TIAM1: variants seen among roughly 807,000 people sequenced by gnomAD.
TIAM1 encodes the protein rho guanine nucleotide exchange factor TIAM1.
In TIAM1, 65 loss-of-function variants were observed where a neutral mutation model predicts 163.5. The observed-to-expected ratio is 0.40, with a 90% CI of 0.33 to 0.49. TIAM1 has a LOEUF of 0.49. TIAM1 is among the 20% of genes least tolerant of loss of function. The pLI is 0.77. For synonymous variants in TIAM1, 833 were observed against 810.1 expected, an observed-to-expected ratio of 1.03 and a Z score of -0.48; for missense variants, 1,789 against 2,044.7, an observed-to-expected ratio of 0.87 and a Z score of 2.41.
At chr21:31,415,067 T>C (rs1019663014) in intron 2 of TIAM1, among the ~76,000 whole-genome samples, 12 of 152,146 alleles carry the variant, frequency 7.9e-5, no homozygotes, top group African/African-American at 2.9e-4. Context: ...GAGTGTCTCC[T>C]TACACCTATA....
chr21:31,222,707 ATTTTTT>A (rs527864043), intron 8 of TIAM1, among the ~76,000 whole-genome samples: 58 of 32,816 alleles, frequency 1.8e-3, no homozygotes, highest in Non-Finnish European at 2.0e-3. Flanking sequence ...ATATATATAT[ATTTTTT>A]TTTTTTTTTT....
intron 20 of TIAM1, among the ~76,000 whole-genome samples, chr21:31,143,465 T>TACAC (rs777301327): frequency 1.3e-5 from 2 of 150,578 alleles, no homozygotes; most frequent in Admixed American, 6.6e-5. Flanking sequence ...TATATATATA[T>TACAC]ACACACACAC....
intron 2 of TIAM1, among the ~76,000 whole-genome samples, chr21:31,377,790 A>G (rs1176664005): frequency 3.3e-5 from 5 of 151,834 alleles, no homozygotes; most frequent in African/African-American, 1.2e-4. Flanking sequence ...TATCCAGTTC[A>G]GAAACAGTCA....
intron 10 of TIAM1, among the ~76,000 whole-genome samples, chr21:31,210,534 AAAAGAAAG>A (rs1214068044): frequency 0.076 from 4,210 of 55,570 alleles, 233 homozygotes; most frequent in Non-Finnish European, 0.098. Context: ...GGAAGGAAGG[AAAAGAAAG>A]AAAGAAAGAA....
At chr21:31,133,021 G>A (rs2082477939) in intron 23 of TIAM1, among the ~76,000 whole-genome samples, 2 of 152,202 alleles carry the variant, frequency 1.3e-5, no homozygotes, top group African/African-American at 2.4e-5. Flanking sequence ...ACTATTTCCT[G>A]AGGTTAGAGG....
chr21:31,515,971 G>A (rs571887863), intron 1 of TIAM1, among the ~76,000 whole-genome samples: 3 of 151,718 alleles, frequency 2.0e-5, no homozygotes, highest in South Asian at 2.1e-4. Context: ...AGCTGGGTGT[G>A]GTGGTGTGCA....
chr21:31,425,515 A>G lies in TIAM1; in HGVS notation c.-369+38468T>C, dbSNP rs542632311. Among the ~76,000 whole-genome samples the G allele has an allele frequency of 2.6e-5, 4 of 151,408 alleles. No individual in the cohort carries two copies. The East Asian group carries it at 7.8e-4, about 30-fold the overall frequency. Reference sequence around the variant, plus strand: ...CAACTAGGGATCTTGAGATTCTGTGATTCTGGTTTAGTTGGTCTGCAATTA... The same window carrying G: ...CAACTAGGGATCTTGAGATTCTGTGGTTCTGGTTTAGTTGGTCTGCAATTA... On this transcript the variant is annotated intron_variant, in intron 2 of 28. Transcript: ENST00000286827.
chr21:31,491,116 T>C (rs1266087239), intron 1 of TIAM1, among the ~76,000 whole-genome samples: 4 of 150,786 alleles, frequency 2.7e-5, no homozygotes, highest in Non-Finnish European at 5.9e-5. Context: ...GGCTACACAG[T>C]GAAATTCCGT....
rs184783222 is a variant in TIAM1, at chr21:31,395,729, G to A, written c.-368-56307C>T. ...GCGCATGCGTTCCCCTGGCTGTCGCGTGAAAATTTTTGCTTTATAAATTGG... is the reference window on the plus strand; with the variant it reads ...GCGCATGCGTTCCCCTGGCTGTCGCATGAAAATTTTTGCTTTATAAATTGG... On this transcript the variant is annotated intron_variant, in intron 2 of 28. Transcript: ENST00000286827. This position sits in a 1 kb window ranked among gnomAD's most constrained non-coding sequence, Gnocchi z 7.5. 2.7e-4 allele frequency among the ~76,000 whole-genome samples: 41 copies of A among 152,268 alleles called. No individual in the cohort carries two copies. The East Asian group carries it at 2.9e-3, about 11-fold the overall frequency.
At chr21:31,272,800 T>C (rs2073121757) in intron 3 of TIAM1, among the ~76,000 whole-genome samples, 1 of 152,308 alleles carries the variant, frequency 6.6e-6, no homozygotes, top group African/African-American at 2.4e-5. Context: ...ATAATTTCAA[T>C]GAATTAGGCA....
intron 1 of TIAM1, among the ~76,000 whole-genome samples, chr21:31,468,312 C>G (rs2045604714): frequency 1.3e-5 from 2 of 150,368 alleles, no homozygotes; most frequent in South Asian, 4.2e-4. Context: ...CCTGACTCTA[C>G]TGAAAAAATA....
At chr21:31,255,405 G>A (rs919414636) in intron 4 of TIAM1, among the ~76,000 whole-genome samples, 1 of 152,164 alleles carries the variant, frequency 6.6e-6, no homozygotes, top group African/African-American at 2.4e-5. Flanking sequence ...CTCCAGCATT[G>A]CTGGAAAGGG....
chr21:31,284,657 T>A (rs1482567859), intron 2 of TIAM1, among the ~76,000 whole-genome samples: 1 of 152,180 alleles, frequency 6.6e-6, no homozygotes, highest in Admixed American at 6.5e-5. Flanking sequence ...TAGCTGGGAC[T>A]ACAGGCATGT....
chr21:31,169,355 C>T (rs1396693008), intron 15 of TIAM1, among the ~76,000 whole-genome samples: 4 of 151,834 alleles, frequency 2.6e-5, no homozygotes, highest in Non-Finnish European at 5.9e-5. Flanking sequence ...CAAAAAACAC[C>T]AGGTAAATTA....
intron 11 of TIAM1, among the ~76,000 whole-genome samples, chr21:31,207,132 T>C (rs150073098): frequency 2.0e-5 from 3 of 152,270 alleles, no homozygotes; most frequent in Admixed American, 2.0e-4. Context: ...TGAATGAAAA[T>C]ATGTTGCAAT....
chr21:31,182,941 A>G (rs897954700), intron 14 of TIAM1, among the ~76,000 whole-genome samples: 5 of 152,166 alleles, frequency 3.3e-5, no homozygotes, highest in East Asian at 1.9e-4. Context: ...ACAAATGCTA[A>G]TTAATTCCGG....
At chr21:31,502,385 G>T (rs905571563) in intron 1 of TIAM1, among the ~76,000 whole-genome samples, 2 of 151,974 alleles carry the variant, frequency 1.3e-5, no homozygotes, top group African/African-American at 4.8e-5. Context: ...AATTATCCCG[G>T]CCTCAGCCTC....
At chr21:31,326,901 C>T (rs2147050630) in intron 2 of TIAM1, among the ~76,000 whole-genome samples, 1 of 152,316 alleles carries the variant, frequency 6.6e-6, no homozygotes, top group East Asian at 1.9e-4. Flanking sequence ...ATACTAACAT[C>T]TGTGGGCAAG....
At chr21:31,412,431 G>A (rs1278129891) in intron 2 of TIAM1, among the ~76,000 whole-genome samples, 1 of 152,060 alleles carries the variant, frequency 6.6e-6, no homozygotes, top group African/African-American at 2.4e-5. Flanking sequence ...TGAGGGGGTG[G>A]GGGATGGTTT....
Sources: gnomAD v4.1 joint callset for allele counts (sites outside exome capture counted in the v4.1 genomes callset) on GRCh38, gnomAD v4.1.1 for gene constraint, Gnocchi (gnomAD v3.1) non-coding constraint, MANE v1.5 for transcripts, NCBI Gene and HGNC (gene_info 2026-07-23, HGNC 2026-07-21) for gene names.